The following PLEKHG1 variants were observed in gnomAD, a reference collection of about 807,000 sequenced individuals.
PLEKHG1 encodes pleckstrin homology and RhoGEF domain containing G1, also known as pleckstrin homology domain-containing family G member 1.
In PLEKHG1, 44 loss-of-function variants were observed where a neutral mutation model predicts 100.8. The observed-to-expected ratio is 0.44, with a 90% CI of 0.34 to 0.56. The LOEUF (loss-of-function observed/expected upper bound fraction) is 0.56. Ranked by LOEUF, PLEKHG1 falls within the 20% of genes least tolerant of loss-of-function variation. The pLI is 0.01. For synonymous variants in PLEKHG1, 640 were observed against 662.5 expected (o/e 0.97, Z 0.52); for missense variants, 1,545 against 1,720.9 (o/e 0.90, Z 1.81).
At chr6:150,648,878 A>G (rs1236381254) in intron 2 of PLEKHG1, among the ~76,000 whole-genome samples, 1 of 152,150 alleles carries the variant, frequency 6.6e-6, no homozygotes, top group Non-Finnish European at 1.5e-5. Context: ...GGATATTTTT[A>G]TATAGTATTC....
rs1200052192 is a variant in PLEKHG1 at position 150,605,787 on chromosome 6, GT to G, written c.-204+5772del. On this transcript the variant is annotated intron_variant, in intron 1 of 3. Transcript: ENST00000367326. ...TTAATGAAATATACAGTTTTAAAAT[GT>G]TCCACTTTAAAATGTACCACAAAGA... The G allele has an allele frequency of 1.3e-4, 20 of 152,286 alleles. No homozygotes were observed. In the East Asian group the frequency reaches 3.5e-3, roughly 26 times the overall value. The allele number at this position is 152,286 out of a possible 1,614,324, so 9.4% of individuals were successfully genotyped here. A position where few individuals can be genotyped will look rare whatever the true frequency, so the allele number is the denominator to read the frequency against.
rs569795888 is a variant in PLEKHG1, at chr6:150,621,594, T to C, written c.-203-16486T>C. Among the ~76,000 whole-genome samples, 7 of 152,194 alleles carry C rather than the reference T, an allele frequency of 4.6e-5. No individual in the cohort carries two copies. The South Asian group carries it at 1.2e-3, about 27-fold the overall frequency. On this transcript the variant is annotated intron_variant, in intron 1 of 3. Transcript: ENST00000367326. Reference sequence around the variant, plus strand: ...TTCACCATGTTGGCCAGGCTAGTCTTGAACTCCTGACCTCAAGTGATCCTC... The same window carrying C: ...TTCACCATGTTGGCCAGGCTAGTCTCGAACTCCTGACCTCAAGTGATCCTC...
At chr6:150,769,607 A>G (rs977541012) in intron 3 of PLEKHG1, among the ~76,000 whole-genome samples, 1 of 150,866 alleles carries the variant, frequency 6.6e-6, no homozygotes, top group Admixed American at 6.6e-5. Flanking sequence ...AAAAAAAGAA[A>G]GAAAAAAGAA....
At chr6:150,641,876 C>CAAAAGAAA (rs1778277145) in intron 2 of PLEKHG1, among the ~76,000 whole-genome samples, 2 of 76,798 alleles carry the variant, frequency 2.6e-5, no homozygotes, top group Admixed American at 2.2e-4. Flanking sequence ...TGTGAAAAGG[C>CAAAAGAAA]AAAAAAAAAA....
chr6:150,644,334 G>GGTTTTTTTTTTTTTTTTTTTTT (rs1554255840), intron 2 of PLEKHG1, among the ~76,000 whole-genome samples: 3 of 117,600 alleles, frequency 2.6e-5, no homozygotes, highest in African/African-American at 1.0e-4. Flanking sequence ...TTCTTTTCGT[G>GGTTTTTTTTTTTTTTTTTTTTT]TTTTTTTTTT....
At chr6:150,684,713 C>T (rs532788202) in intron 3 of PLEKHG1, among the ~76,000 whole-genome samples, 1 of 151,862 alleles carries the variant, frequency 6.6e-6, no homozygotes, top group East Asian at 1.9e-4. Context: ...GCCTTCATAC[C>T]GAGTCCTTTA....
intron 1 of PLEKHG1, among the ~76,000 whole-genome samples, chr6:150,732,582 G>A (rs1303763953): frequency 1.3e-5 from 2 of 152,208 alleles, no homozygotes; most frequent in African/African-American, 4.8e-5. Context: ...TAGGCTAGAC[G>A]AGATGGCAGA....
In PLEKHG1 at chr6:150,752,323, CA is replaced by C. The variant is rs570373955; in HGVS notation, c.412-16314del. On this transcript the variant is annotated intron_variant, in intron 2 of 15. Transcript: ENST00000358517. The stretch of plus-strand genomic sequence containing the variant: ...TTAAAACTTATTTTAACCATTTTTA[CA>C]TACATAATTCAGTGGCATTAAGTAT... Among the ~76,000 whole-genome samples the C allele has an allele frequency of 9.8e-5, 15 of 152,296 alleles. No homozygotes were observed. The East Asian group carries it at 2.5e-3, about 25-fold the overall frequency.
intron 2 of PLEKHG1, among the ~76,000 whole-genome samples, chr6:150,751,466 A>G (rs1039584169): frequency 3.3e-5 from 5 of 152,208 alleles, no homozygotes; most frequent in Admixed American, 6.5e-5. Flanking sequence ...ACTGATGACT[A>G]GCGATGGCAT....
chr6:150,750,082 G>C (rs113736297), intron 2 of PLEKHG1, among the ~76,000 whole-genome samples: 1 of 146,018 alleles, frequency 6.8e-6, no homozygotes, highest in African/African-American at 2.7e-5. Flanking sequence ...AAAAAAAAAA[G>C]AAAATATCTA....
At chr6:150,693,085 C>T (rs574961208) in intron 3 of PLEKHG1, among the ~76,000 whole-genome samples, 2 of 152,116 alleles carry the variant, frequency 1.3e-5, no homozygotes, top group South Asian at 4.2e-4. Context: ...GTCAGGAGTT[C>T]GAAACCAGCC....
At chr6:150,630,371 T>A (rs1302765477) in intron 1 of PLEKHG1, among the ~76,000 whole-genome samples, 2 of 152,184 alleles carry the variant, frequency 1.3e-5, no homozygotes, top group Admixed American at 1.3e-4. Context: ...GCTGATGGGA[T>A]CTGGGATCAG....
intron 1 of PLEKHG1, among the ~76,000 whole-genome samples, chr6:150,626,787 T>A (rs1777529672): frequency 6.6e-6 from 1 of 152,132 alleles, no homozygotes; most frequent in African/African-American, 2.4e-5. Context: ...TTCCATTCCA[T>A]TTGCATACCA....
rs564583763 is a variant in PLEKHG1, at chr6:150,807,955, C to T, written c.913-1150C>T. On this transcript the variant is annotated intron_variant, in intron 7 of 15. Transcript: ENST00000358517. The stretch of plus-strand genomic sequence containing the variant: ...CTGCACTCCAGCCTGGACAACAGAG[C>T]GAGACTCTGTCTCAAAAAAGAAAAA... 1.4e-4 allele frequency among the ~76,000 whole-genome samples: 21 copies of T among 151,868 alleles called. No individual in the cohort carries two copies. In the South Asian group the frequency reaches 2.1e-3, roughly 15 times the overall value.
intron 1 of PLEKHG1, among the ~76,000 whole-genome samples, chr6:150,729,304 C>T (rs769955640): frequency 9.9e-5 from 15 of 152,172 alleles, no homozygotes; most frequent in Non-Finnish European, 1.5e-4. Flanking sequence ...TCAAGTGATC[C>T]GCCTGCCTCA....
At chr6:150,766,733 C>G (rs531969631) in intron 2 of PLEKHG1, among the ~76,000 whole-genome samples, 156 of 152,284 alleles carry the variant, frequency 1.0e-3, no homozygotes, top group Non-Finnish European at 2.0e-3. Flanking sequence ...TTGTCTGTAA[C>G]CCCAGATGAA....
At chr6:150,605,684 C>T (rs1361637872) in intron 1 of PLEKHG1, 2 of 152,162 alleles carry the variant, frequency 1.3e-5, no homozygotes, top group African/African-American at 4.8e-5. Context: ...GAGGTGGCAA[C>T]ATTTAAACTG....
intron 3 of PLEKHG1, among the ~76,000 whole-genome samples, chr6:150,779,111 C>T (rs1785152411): frequency 6.6e-6 from 1 of 152,072 alleles, no homozygotes; most frequent in Non-Finnish European, 1.5e-5. Context: ...TTTAATAAGC[C>T]ATGGTTTCCT....
intron 4 of PLEKHG1, among the ~76,000 whole-genome samples, chr6:150,787,846 C>T (rs562444551): frequency 6.6e-6 from 1 of 152,182 alleles, no homozygotes; most frequent in Admixed American, 6.5e-5. Flanking sequence ...TGTGCACACA[C>T]GTTTACCTGT....
Sources: gnomAD v4.1 joint callset for allele counts (sites outside exome capture counted in the v4.1 genomes callset) on GRCh38, gnomAD v4.1.1 for gene constraint, MANE v1.5 for transcripts, NCBI Gene and HGNC (gene_info 2026-07-23, HGNC 2026-07-21) for gene names.